The following DKK2 variants were observed in gnomAD, a reference collection of about 807,000 sequenced individuals.
DKK2 encodes the protein dickkopf-related protein 2.
In DKK2, 11 loss-of-function variants were observed where a neutral mutation model predicts 28.1. The ratio of observed to expected loss-of-function variants is 0.39; its 90% CI spans 0.25 to 0.65. The LOEUF (loss-of-function observed/expected upper bound fraction) is 0.65. DKK2 is among the 30% of genes least tolerant of loss of function. DKK2 has a pLI of 0.47. For missense variants in DKK2, 326 were observed against 335.5 expected, an observed-to-expected ratio of 0.97 and a Z score of 0.22; for synonymous variants, 135 against 126.5, an observed-to-expected ratio of 1.07 and a Z score of -0.45.
intron 1 of DKK2, among the ~76,000 whole-genome samples, chr4:106,952,190 A>G (rs933415925): frequency 1.3e-5 from 2 of 152,126 alleles, no homozygotes; most frequent in Admixed American, 1.3e-4. Flanking sequence ...TCTTTCCTAT[A>G]AAAAGTAAAA....
At position 107,035,905 on chromosome 4, in the gene DKK2, T is replaced by C. The variant is rs1182750829; in HGVS notation, c.-314A>G. On this transcript the variant is annotated 5_prime_UTR_variant, in exon 1 of 4. Transcript: ENST00000285311. ...CAAGGTGCAAGAAAACCCAGCCCTG[T>C]GGATCGCACCGCTTCCGTTCCTTCT... 2.5e-6 allele frequency: 1 copy of C among 398,876 alleles called. No individual in the cohort carries two copies. The highest frequency in any genetic ancestry group is 2.9e-5 in the South Asian group (1 of 34,318). The allele number at this position is 398,876 out of a possible 1,614,324, so 24.7% of individuals were successfully genotyped here.
intron 1 of DKK2, among the ~76,000 whole-genome samples, chr4:106,970,804 T>C (rs1722858667): frequency 6.6e-6 from 1 of 152,054 alleles, no homozygotes; most frequent in Non-Finnish European, 1.5e-5. Context: ...ACCTTGAACC[T>C]AAAGAGGGGA....
intron 1 of DKK2, among the ~76,000 whole-genome samples, chr4:107,030,070 C>T (rs1416763546): frequency 6.6e-6 from 1 of 151,970 alleles, no homozygotes; most frequent in Non-Finnish European, 1.5e-5. Flanking sequence ...AGTAGCAATT[C>T]TGTTGTTAGT....
At chr4:106,945,197 G>T (rs1724758499) in intron 1 of DKK2, among the ~76,000 whole-genome samples, 1 of 152,130 alleles carries the variant, frequency 6.6e-6, no homozygotes, top group South Asian at 2.1e-4. Context: ...TCATCCTACA[G>T]TAAAGAGAAT....
intron 1 of DKK2, among the ~76,000 whole-genome samples, chr4:107,000,333 C>T: frequency 6.6e-6 from 1 of 152,036 alleles, no homozygotes; most frequent in Non-Finnish European, 1.5e-5. Flanking sequence ...GCACTTATTT[C>T]CATTAGAATG....
At position 106,923,301 on chromosome 4, in the gene DKK2, T is replaced by G. The variant is rs753471445; in HGVS notation, c.*653A>C. 4.6e-5 allele frequency: 7 copies of G among 152,238 alleles called. No homozygotes were observed. Among genetic ancestry groups the G allele is most frequent in the Non-Finnish European group, 7.3e-5 (5 of 68,060 alleles). The allele number at this position is 152,238 out of a possible 1,614,324, so 9.4% of individuals were successfully genotyped here. A position where few individuals can be genotyped will look rare whatever the true frequency, so the allele number is the denominator to read the frequency against. On this transcript the variant is annotated 3_prime_UTR_variant, in exon 4 of 4. Transcript: ENST00000285311. ...AAAAAAAAGTATTTGTGGCTGTTTG[T>G]TTGTTATTTATTTGTCTTCCTAAAG...
At chr4:106,999,591 C>T (rs780278175) in intron 1 of DKK2, among the ~76,000 whole-genome samples, 15 of 152,228 alleles carry the variant, frequency 9.9e-5, no homozygotes, top group Admixed American at 4.6e-4. Context: ...ATGATCCACC[C>T]GCCTTGGCCT....
At chr4:107,012,093 A>G (rs1272330483) in intron 1 of DKK2, among the ~76,000 whole-genome samples, 3 of 151,394 alleles carry the variant, frequency 2.0e-5, no homozygotes, top group African/African-American at 7.2e-5. Context: ...AATCATTTTA[A>G]TCACACCCTC....
At chr4:106,983,317 G>A (rs1723055020) in intron 1 of DKK2, among the ~76,000 whole-genome samples, 2 of 68,736 alleles carry the variant, frequency 2.9e-5, no homozygotes, top group African/African-American at 1.6e-4. Context: ...AAGAAAGAAA[G>A]AAGAAAGAAA....
At chr4:106,981,546 C>A (rs1157186857) in intron 1 of DKK2, among the ~76,000 whole-genome samples, 2 of 152,150 alleles carry the variant, frequency 1.3e-5, no homozygotes, top group Admixed American at 1.3e-4. Context: ...CCCTTTTTAA[C>A]TATAATGCCA....
chr4:107,014,296 C>A (rs1482740533), intron 1 of DKK2, among the ~76,000 whole-genome samples: 1 of 151,432 alleles, frequency 6.6e-6, no homozygotes, highest in Non-Finnish European at 1.5e-5. Flanking sequence ...CAATAGAATA[C>A]TATTGAGCTA....
intron 1 of DKK2, among the ~76,000 whole-genome samples, chr4:106,950,198 G>A (rs1430510614): frequency 6.6e-6 from 1 of 152,172 alleles, no homozygotes; most frequent in African/African-American, 2.4e-5. Flanking sequence ...TTTAACAACA[G>A]TCTTTCCCAT....
At chr4:106,989,563 C>G (rs1723174956) in intron 1 of DKK2, among the ~76,000 whole-genome samples, 1 of 152,134 alleles carries the variant, frequency 6.6e-6, no homozygotes, top group Admixed American at 6.6e-5. Context: ...TCTGGTAGAG[C>G]ACACTATAAA....
Position 106,960,953 on chromosome 4 carries a change from T to C in DKK2, c.223-35004A>G, listed in dbSNP as rs142005605. 4.4e-3 allele frequency among the ~76,000 whole-genome samples: 674 copies of C among 152,292 alleles called. 5 individuals carry two copies. The highest frequency in any genetic ancestry group is 0.016 in the African/African-American group (649 of 41,574). ...CTACTTGAGGGAAATAGTAAAATTA[T>C]ATTGTCACTGTATATTTATTATTCA... On this transcript the variant is annotated intron_variant, in intron 1 of 3. Coordinates refer to ENST00000285311, the MANE Select transcript of DKK2 (RefSeq NM_014421.3).
intron 1 of DKK2, among the ~76,000 whole-genome samples, chr4:106,942,492 T>C (rs931120077): frequency 3.3e-5 from 5 of 152,110 alleles, no homozygotes; most frequent in African/African-American, 1.2e-4. Context: ...TATACTAGAC[T>C]CTTTTTAAGA....
intron 1 of DKK2, among the ~76,000 whole-genome samples, chr4:107,026,579 A>C (rs1723783546): frequency 6.6e-6 from 1 of 152,176 alleles, no homozygotes; most frequent in South Asian, 2.1e-4. Context: ...AACAAAAAGC[A>C]CCTGTTTTGG....
In DKK2 at chr4:106,983,080, GAAAC is replaced by G. The variant is rs1459820241; in HGVS notation, c.222+52286_222+52289del. ...AGAAAAGAAAGAAAGAAAAAAGAAA[GAAAC>G]AAAGAAAATTTCTAAATTTTTAGAA... On this transcript the variant is annotated intron_variant, in intron 1 of 3. Transcript: ENST00000285311. Among the ~76,000 whole-genome samples, 11 of 151,348 alleles carry G rather than the reference GAAAC, an allele frequency of 7.3e-5. No homozygotes were observed. In the East Asian group the frequency reaches 1.6e-3, roughly 21 times the overall value.
In DKK2 at chr4:106,923,843, C is replaced by T. The variant is rs929050158; in HGVS notation, c.*111G>A. ...TTTGTGATCATCTATATTCTTATCA[C>T]GTTTCTTATTTTAGCCATTCTTCTG... On this transcript the variant is annotated 3_prime_UTR_variant, in exon 4 of 4. Transcript: ENST00000285311. 6.6e-5 allele frequency: 92 copies of T among 1,404,124 alleles called. No homozygotes were observed. The highest frequency in any genetic ancestry group is 5.0e-4 in the Middle Eastern group (2 of 4,032). 87.0% of individuals were successfully genotyped at this position (1,404,124 alleles called of 1,614,324 possible). A position where few individuals can be genotyped will look rare whatever the true frequency, so the allele number is the denominator to read the frequency against.
chr4:106,945,485 C>G (rs906010509), intron 1 of DKK2, among the ~76,000 whole-genome samples: 1 of 152,042 alleles, frequency 6.6e-6, no homozygotes, highest in East Asian at 1.9e-4. Flanking sequence ...GTACATAGAG[C>G]TTTTTGTCTT....
Sources: gnomAD v4.1 joint callset for allele counts (sites outside exome capture counted in the v4.1 genomes callset) on GRCh38, gnomAD v4.1.1 for gene constraint, MANE v1.5 for transcripts, NCBI Gene and HGNC (gene_info 2026-07-23, HGNC 2026-07-21) for gene names.